The following RELN variants were observed in gnomAD, a reference collection of about 807,000 sequenced individuals.
RELN encodes the protein reelin.
Under a neutral mutation model 427.6 loss-of-function variants are expected in RELN, and 108 were observed. That is an observed-to-expected ratio of 0.25 (90% CI 0.22 to 0.30). The LOEUF (loss-of-function observed/expected upper bound fraction) is 0.30. Among genes scored for constraint, RELN ranks in the 10% least tolerant of loss-of-function variants. The pLI is 1.00. For missense variants in RELN, 3,715 were observed against 4,302.8 expected (o/e 0.86, Z 3.82); for synonymous variants, 1,524 against 1,513.4 (o/e 1.01, Z -0.16).
intron 3 of RELN, among the ~76,000 whole-genome samples, chr7:103,818,115 T>C (rs1792924914): frequency 6.6e-6 from 1 of 152,084 alleles, no homozygotes; most frequent in African/African-American, 2.4e-5. Flanking sequence ...AAAATGGGAA[T>C]TTTATATTCA....
intron 6 of RELN, among the ~76,000 whole-genome samples, chr7:103,748,567 G>A (rs1406180030): frequency 6.6e-6 from 1 of 152,128 alleles, no homozygotes; most frequent in Non-Finnish European, 1.5e-5. Context: ...TTACTTGAGA[G>A]AACCATACCT....
chr7:103,574,077 G>T lies in RELN; in HGVS notation c.4511+15C>A. 6.3e-7 allele frequency: 1 copy of T among 1,593,194 alleles called. No homozygotes were observed. The highest frequency in any genetic ancestry group is 8.6e-7 in the Non-Finnish European group (1 of 1,160,864). ...AATATGTTTGTGAAAAAGTATACCA[G>T]TTAATACTTGTTACCTGATATTCCT... On this transcript the variant is annotated intron_variant, in intron 30 of 64. Coordinates refer to ENST00000428762, the MANE Select transcript of RELN (RefSeq NM_005045.4).
rs565985337 is a variant in RELN, at chr7:103,953,470, A to G, written c.226+35661T>C. On this transcript the variant is annotated intron_variant, in intron 1 of 64. Coordinates refer to ENST00000428762, the MANE Select transcript of RELN (RefSeq NM_005045.4). This position sits in a 1 kb window ranked among gnomAD's most constrained non-coding sequence, Gnocchi z 4.3. ...AAGCAGTTCTAATGTGCTCTTGACAAATCACATTTTGGCAGTGCTGATATT... is the reference window on the plus strand; with the variant it reads ...AAGCAGTTCTAATGTGCTCTTGACAGATCACATTTTGGCAGTGCTGATATT... Among the ~76,000 whole-genome samples, 1 of 152,322 alleles carries G rather than the reference A, an allele frequency of 6.6e-6. No homozygotes were observed. The highest frequency in any genetic ancestry group is 1.9e-4 in the East Asian group (1 of 5,182).
intron 11 of RELN, among the ~76,000 whole-genome samples, chr7:103,674,838 C>T (rs955148601): frequency 6.6e-6 from 1 of 152,102 alleles, no homozygotes; most frequent in Non-Finnish European, 1.5e-5. Context: ...ATTCAACAGC[C>T]CTTCATACTA....
chr7:103,536,245 G>T (rs1830047906), intron 45 of RELN, among the ~76,000 whole-genome samples: 1 of 152,216 alleles, frequency 6.6e-6, no homozygotes, highest in Admixed American at 6.5e-5. Flanking sequence ...CCATCAGGTT[G>T]TGGGTCTAAA....
intron 6 of RELN, among the ~76,000 whole-genome samples, chr7:103,747,642 CTTTTTTTT>C (rs541976561): frequency 1.6e-5 from 2 of 123,876 alleles, no homozygotes; most frequent in African/African-American, 3.0e-5. Flanking sequence ...CCTACTCTCA[CTTTTTTTT>C]TTTTTTTTTT....
intron 1 of RELN, among the ~76,000 whole-genome samples, chr7:103,927,428 G>A (rs376367151): frequency 2.0e-5 from 3 of 152,108 alleles, no homozygotes; most frequent in Non-Finnish European, 4.4e-5. Context: ...AATAAATGAC[G>A]TTCAGGTACT....
chr7:103,945,606 G>C (rs1488598707), intron 1 of RELN, among the ~76,000 whole-genome samples: 4 of 151,990 alleles, frequency 2.6e-5, no homozygotes, highest in Non-Finnish European at 5.9e-5. Flanking sequence ...CCGTAACCAG[G>C]TTACAAACTC....
chr7:103,986,930 C>CTG (rs68023932), intron 1 of RELN, among the ~76,000 whole-genome samples: 12,191 of 148,554 alleles, frequency 0.082, 661 homozygotes, highest in Non-Finnish European at 0.13. Flanking sequence ...CTAACAGAAG[C>CTG]TGTGTGTGTG....
chr7:103,942,622 A>G (rs1483048762), intron 1 of RELN, among the ~76,000 whole-genome samples: 4 of 152,142 alleles, frequency 2.6e-5, no homozygotes, highest in African/African-American at 9.7e-5. Context: ...TAGGTATTCA[A>G]AGAATTCTTG....
At chr7:103,975,321 T>C (rs151015145) in intron 1 of RELN, among the ~76,000 whole-genome samples, 1 of 152,290 alleles carries the variant, frequency 6.6e-6, no homozygotes, top group East Asian at 1.9e-4. Flanking sequence ...GGCACTGTTC[T>C]AGGCACTAGG....
At chr7:103,765,838 A>T (rs1282115428) in intron 4 of RELN, among the ~76,000 whole-genome samples, 2 of 152,240 alleles carry the variant, frequency 1.3e-5, no homozygotes, top group Non-Finnish European at 2.9e-5. Context: ...TAAAGCTGTC[A>T]AGTGGGAATG....
Position 103,472,614 on chromosome 7 carries a change from TTTAC to T in RELN, c.*194_*197del. 2 of 577,788 alleles carry T rather than the reference TTTAC, an allele frequency of 3.5e-6. No individual in the cohort carries two copies. Among genetic ancestry groups the T allele is most frequent in the Non-Finnish European group, 6.2e-6 (2 of 320,628 alleles). 35.8% of individuals were successfully genotyped at this position (577,788 alleles called of 1,614,324 possible). Reference sequence around the variant, plus strand: ...TCACGGACACATCAACATGAAGACATTTACTTATGAGCAAATAAGTCACTTGTCA... The same window carrying T: ...TCACGGACACATCAACATGAAGACATTTATGAGCAAATAAGTCACTTGTCA... On this transcript the variant is annotated 3_prime_UTR_variant, in exon 65 of 65. Coordinates refer to ENST00000428762, the MANE Select transcript of RELN (RefSeq NM_005045.4).
intron 8 of RELN, among the ~76,000 whole-genome samples, chr7:103,717,116 TA>T (rs1000113213): frequency 2.0e-5 from 3 of 152,120 alleles, no homozygotes; most frequent in Admixed American, 6.5e-5. Flanking sequence ...TTAATTCATA[TA>T]AAAATATTTA....
intron 4 of RELN, among the ~76,000 whole-genome samples, chr7:103,759,990 CTTT>C (rs57019839): frequency 0.024 from 1,549 of 64,274 alleles, 16 homozygotes; most frequent in African/African-American, 0.044. Context: ...CACAGTCATA[CTTT>C]TTTTTTTTTT....
chr7:103,593,767 G>T lies in RELN; in HGVS notation c.3827C>A (p.Ala1276Glu). 1 of 1,613,956 alleles carries T rather than the reference G, an allele frequency of 6.2e-7. No homozygotes were observed. The highest frequency in any genetic ancestry group is 8.5e-7 in the Non-Finnish European group (1 of 1,179,888). ...NETFCAATPS[A>E]MIFGKSDGDR... ...TCCATCTGATTTTCCAAATATCATT[G>T]CTGATGGTGTGGCAGCACAGAAGGT... is the stretch of plus-strand genomic sequence containing the variant. Residue 1276 changes from alanine (A) to glutamate (E), a missense_variant, in exon 27 of 65, where the codon GCA (alanine) becomes GAA (glutamate). Coordinates refer to ENST00000428762, the MANE Select transcript of RELN (RefSeq NM_005045.4).
In RELN at chr7:103,594,484, T is replaced by C. The variant is rs765432355; in HGVS notation, c.3548A>G (p.Tyr1183Cys). The change falls in exon 26 of 65, where the codon TAT (tyrosine) becomes TGT (cysteine). Residue 1183 changes from tyrosine to cysteine, a missense_variant. Tyr to Cys is a radical substitution (Grantham distance 194). This residue lies in a region of RELN where 2,208 missense variants were observed against 2,361.7 expected (regional missense o/e 0.93). Coordinates refer to ENST00000428762, the MANE Select transcript of RELN (RefSeq NM_005045.4). ...FSDFSKPRFV[Y>C]LELPAAAKTP... ...CTTGGCAGCAGCTGGAAGCTCCAGA[T>C]AGACAAATCTGAATAAAAGTAAATC... 5.0e-6 allele frequency: 8 copies of C among 1,613,426 alleles called. No homozygotes were observed. The Admixed American group carries it at 1.3e-4, about 27-fold the overall frequency.
chr7:103,906,534 A>ACT (rs4006759), intron 2 of RELN, among the ~76,000 whole-genome samples: 2 of 151,156 alleles, frequency 1.3e-5, no homozygotes, highest in African/African-American at 2.4e-5. Flanking sequence ...CAGCATTCTG[A>ACT]CTCTCTCTCT....
chr7:103,637,616 T>C (rs1034025562), intron 17 of RELN, among the ~76,000 whole-genome samples: 1 of 152,214 alleles, frequency 6.6e-6, no homozygotes, highest in African/African-American at 2.4e-5. Context: ...GCATGAAGTT[T>C]GAAGGTTGTC....
Sources: gnomAD v4.1 joint callset for allele counts (sites outside exome capture counted in the v4.1 genomes callset) on GRCh38, gnomAD v4.1.1 for gene constraint, gnomAD v4.1.1 regional missense constraint, Gnocchi (gnomAD v3.1) non-coding constraint, MANE v1.5 for transcripts, NCBI Gene and HGNC (gene_info 2026-07-23, HGNC 2026-07-21) for gene names.